The following ITGAE variants were observed in gnomAD, a reference collection of about 807,000 sequenced individuals.
ITGAE encodes the protein integrin subunit alpha E.
ITGAE carries 99 observed loss-of-function variants against 136.5 expected under a neutral mutation model. The observed-to-expected ratio is 0.73, with a 90% confidence interval of 0.62 to 0.86. The LOEUF (loss-of-function observed/expected upper bound fraction) is 0.86. ITGAE is among the 40% of genes least tolerant of loss of function. ITGAE has a pLI of 0.00. For synonymous variants in ITGAE, 613 were observed against 591.8 expected, an observed-to-expected ratio of 1.04 and a Z score of -0.52; for missense variants, 1,447 against 1,515.3, an observed-to-expected ratio of 0.95 and a Z score of 0.75.
chr17:3,741,959 C>T (rs2051598915), intron 19 of ITGAE, among the ~76,000 whole-genome samples: 1 of 152,130 alleles, frequency 6.6e-6, no homozygotes, highest in East Asian at 1.9e-4. Context: ...TGCCTGTAAT[C>T]CCAGCTACTC....
In ITGAE at chr17:3,753,303, C is replaced by T. The variant is rs201983848; in HGVS notation, c.1655G>A (p.Arg552His). 6.4e-5 allele frequency: 103 copies of T among 1,613,926 alleles called. No homozygotes were observed. The East Asian group carries it at 1.3e-3, about 21-fold the overall frequency. Residue 552 changes from arginine (R) to histidine (H), a missense_variant, in exon 14 of 31, where the codon CGT becomes CAT. This residue lies in a region of ITGAE where 1,031 missense variants were observed against 1,011.4 expected (regional missense o/e 1.02). Transcript: ENST00000263087. The stretch of plus-strand genomic sequence containing the variant: ...AGACTCTCCCACCTGCTCGCTGAGA[C>T]GGTACACGTAGACTCTGCCTTCTTC... Reference protein sequence around the residue: ...HGEEGRVYVYRLSEQDGSFSL... With the variant: ...HGEEGRVYVYHLSEQDGSFSL...
intron 3 of ITGAE, among the ~76,000 whole-genome samples, chr17:3,763,050 G>A (rs529472753): frequency 6.6e-6 from 1 of 152,070 alleles, no homozygotes; most frequent in Non-Finnish European, 1.5e-5. Flanking sequence ...GCACCACCAC[G>A]CCTGGCTGAT....
intron 2 of ITGAE, among the ~76,000 whole-genome samples, chr17:3,777,260 C>T (rs1408600592): frequency 2.0e-5 from 3 of 152,210 alleles, no homozygotes; most frequent in African/African-American, 7.2e-5. Flanking sequence ...CGTGCCCGGC[C>T]ACTAAAATTG....
At chr17:3,780,543 C>G (rs1235754669) in intron 1 of ITGAE, among the ~76,000 whole-genome samples, 1 of 152,178 alleles carries the variant, frequency 6.6e-6, no homozygotes, top group African/African-American at 2.4e-5. Flanking sequence ...GCTGATCCGC[C>G]CACCTCGGCC....
At position 3,763,909 on chromosome 17, in the gene ITGAE, T is replaced by C; in HGVS notation, c.207A>G (p.Arg69=). Residue 69 remains arginine (R), a synonymous_variant, in exon 3 of 31, where the codon CGA becomes CGG. Transcript: ENST00000263087. The stretch of plus-strand genomic sequence containing the variant: ...GGATTTCATCCTGGACAAGGGAACA[T>C]CGATGGAGGGGCCCTGGTGTCCTCT... The part of the protein sequence containing the change: ...RTKRTPGPLH[R]CSLVQDEILC... The C allele has an allele frequency of 6.2e-7, 1 of 1,613,820 alleles. No individual in the cohort carries two copies. The highest frequency in any genetic ancestry group is 8.5e-7 in the Non-Finnish European group (1 of 1,179,946).
chr17:3,791,519 G>C (rs190144736), intron 1 of ITGAE, among the ~76,000 whole-genome samples: 93 of 152,250 alleles, frequency 6.1e-4, no homozygotes, highest in Non-Finnish European at 1.1e-3. Flanking sequence ...CTGACCTCAG[G>C]TGATCCACCA....
intron 21 of ITGAE, among the ~76,000 whole-genome samples, chr17:3,734,132 G>A (rs532160998): frequency 2.6e-5 from 4 of 152,236 alleles, no homozygotes; most frequent in Admixed American, 6.5e-5. Flanking sequence ...GTGCAGTGGC[G>A]CAATCTCGGC....
Position 3,761,947 on chromosome 17 carries a change from CT to C in ITGAE, c.282del (p.Val95Ter). On this transcript the variant is annotated frameshift_variant, in exon 4 of 31. Coordinates refer to ENST00000263087, the MANE Select transcript of ITGAE (RefSeq NM_002208.5). LOFTEE classifies it high-confidence loss of function. ...HVPIPKGRHR[G>X]VTVVRSHHGV... is the part of the protein sequence containing the mutation. The stretch of plus-strand genomic sequence containing the variant: ...CCGTGGTGGCTCCGGACAACGGTCA[CT>C]CCCCGGTGCCTCCCCTTGGGGATGG... 1 of 1,614,040 alleles carries C rather than the reference CT, an allele frequency of 6.2e-7. No homozygotes were observed. Among genetic ancestry groups the C allele is most frequent in the Non-Finnish European group, 8.5e-7 (1 of 1,180,002 alleles).
intron 1 of ITGAE, among the ~76,000 whole-genome samples, chr17:3,795,518 T>C (rs1164028086): frequency 2.0e-5 from 3 of 152,156 alleles, no homozygotes; most frequent in African/African-American, 7.2e-5. Context: ...GCATGGCCCG[T>C]CGGAAGATTG....
intron 26 of ITGAE, chr17:3,723,994 A>G: frequency 6.3e-7 from 1 of 1,592,590 alleles, no homozygotes; most frequent in Non-Finnish European, 8.5e-7. Flanking sequence ...GGGGCTGCGG[A>G]CGGCAGGAGA....
chr17:3,735,252 C>T (rs1027166089), intron 20 of ITGAE, among the ~76,000 whole-genome samples: 18 of 152,346 alleles, frequency 1.2e-4, no homozygotes, highest in African/African-American at 4.1e-4. Flanking sequence ...ACTGCAACCT[C>T]CACCTCCCAG....
Position 3,774,220 on chromosome 17 carries a change from G to A in ITGAE, c.155+3320C>T, listed in dbSNP as rs1028522484. Reference sequence around the variant, plus strand: ...TGGGCTCACTTGCTCCTGTGTGCTGGGTGTGAAGGAAACCCTTGACCACTG... The same window carrying A: ...TGGGCTCACTTGCTCCTGTGTGCTGAGTGTGAAGGAAACCCTTGACCACTG... On this transcript the variant is annotated intron_variant, in intron 2 of 30. Transcript: ENST00000263087. Among the ~76,000 whole-genome samples the A allele has an allele frequency of 1.2e-4, 18 of 152,064 alleles. 1 individual carries two copies. The highest frequency in any genetic ancestry group is 1.2e-3 in the Admixed American group (18 of 15,254).
chr17:3,768,759 G>GAT (rs954354755), intron 2 of ITGAE, among the ~76,000 whole-genome samples: 1 of 152,190 alleles, frequency 6.6e-6, no homozygotes, highest in African/African-American at 2.4e-5. Context: ...GCCATCATCT[G>GAT]ATAGTGCCTA....
chr17:3,751,223 C>T (rs540766190), intron 15 of ITGAE, among the ~76,000 whole-genome samples: 45 of 150,840 alleles, frequency 3.0e-4, no homozygotes, highest in African/African-American at 1.1e-3. Flanking sequence ...GGTGGAAGTG[C>T]CTGTTAATAC....
At chr17:3,716,928 T>C in intron 29 of ITGAE, 130 bp from the exon 30 acceptor site, 1 of 604,792 alleles carries the variant, frequency 1.7e-6, no homozygotes, top group Non-Finnish European at 2.9e-6. Context: ...CTGATGACAG[T>C]AAAGCAAAAA....
chr17:3,749,262 T>C (rs12952331), intron 16 of ITGAE, among the ~76,000 whole-genome samples: 10,471 of 151,926 alleles, frequency 0.069, 459 homozygotes, highest in Non-Finnish European at 0.11. Context: ...GTTTTTCTTT[T>C]TTTTTTTTTG....
intron 19 of ITGAE, among the ~76,000 whole-genome samples, chr17:3,742,390 T>C (rs1009148067): frequency 1.3e-5 from 2 of 152,106 alleles, no homozygotes; most frequent in Admixed American, 6.6e-5. Flanking sequence ...AATTTCCTGA[T>C]TTTGATTATT....
Position 3,751,747 on chromosome 17 carries a change from G to T in ITGAE, c.1796C>A (p.Ala599Asp). The T allele has an allele frequency of 6.2e-7, 1 of 1,614,048 alleles. No homozygotes were observed. The change falls in exon 15 of 31, where the codon GCC becomes GAC. Residue 599 changes from alanine (A) to aspartate (D), a missense_variant. This residue lies in a region of ITGAE where 1,031 missense variants were observed against 1,011.4 expected (regional missense o/e 1.02). Coordinates refer to ENST00000263087, the MANE Select transcript of ITGAE (RefSeq NM_002208.5). ...QDKLTDVAIG[A>D]PLEGFGADDG... ...ATCTGCCCCAAAACCTTCCAGGGGG[G>T]CCCCGATGGCCACATCTGTGAGCTT...
Position 3,729,247 on chromosome 17 carries a change from G to T in ITGAE, c.2912+231C>A, listed in dbSNP as rs2051286994. 7 of 496,914 alleles carry T rather than the reference G, an allele frequency of 1.4e-5. No individual in the cohort carries two copies. The South Asian group carries it at 1.7e-4, about 12-fold the overall frequency. 30.8% of individuals were successfully genotyped at this position (496,914 alleles called of 1,614,324 possible). ...CACAGCGTCATATTAATTCCCTTTTGTAGCACGACTAGTTGGCAATACACC... is the reference window on the plus strand; with the variant it reads ...CACAGCGTCATATTAATTCCCTTTTTTAGCACGACTAGTTGGCAATACACC... On this transcript the variant is annotated intron_variant, in intron 24 of 30. Coordinates refer to ENST00000263087, the MANE Select transcript of ITGAE (RefSeq NM_002208.5).
Sources: allele counts gnomAD v4.1 joint callset (sites outside exome capture counted in the v4.1 genomes callset), GRCh38; gene constraint gnomAD v4.1.1; regional missense constraint gnomAD v4.1.1; transcripts MANE v1.5; gene names NCBI Gene and HGNC (gene_info 2026-07-23, HGNC 2026-07-21).